The following NRG1 variants were observed in gnomAD, a reference collection of about 807,000 sequenced individuals.
The protein encoded by NRG1 is neuregulin 1.
Under a neutral mutation model 63.8 loss-of-function variants are expected in NRG1, and 18 were observed. That is an observed-to-expected ratio of 0.28 (90% CI 0.19 to 0.42). NRG1 has a LOEUF of 0.42. NRG1 is among the 10% of genes least tolerant of loss of function. NRG1 has a pLI of 1.00. For synonymous variants in NRG1, 302 were observed against 301.3 expected (o/e 1.00, Z -0.02); for missense variants, 762 against 814.7 (o/e 0.94, Z 0.79).
chr8:32,357,549 C>A (rs1806606359), intron 1 of NRG1, among the ~76,000 whole-genome samples: 1 of 152,116 alleles, frequency 6.6e-6, no homozygotes, highest in Admixed American at 6.5e-5. Context: ...TCATCATGTC[C>A]TGCTTTTACA....
At chr8:32,353,596 G>A (rs1233125741) in intron 1 of NRG1, among the ~76,000 whole-genome samples, 3 of 152,164 alleles carry the variant, frequency 2.0e-5, no homozygotes, top group Non-Finnish European at 4.4e-5. Context: ...TTAGAGAAAT[G>A]CAAATTAAAG....
intron 1 of NRG1, among the ~76,000 whole-genome samples, chr8:31,868,228 G>A (rs1178582644): frequency 3.3e-5 from 5 of 151,264 alleles, no homozygotes. Context: ...GAAATTCATG[G>A]TGGAAGATCT....
intron 1 of NRG1, among the ~76,000 whole-genome samples, chr8:32,497,714 T>A (rs904251681): frequency 1.3e-5 from 2 of 152,188 alleles, no homozygotes; most frequent in African/African-American, 4.8e-5. Flanking sequence ...GCGAGGGGAC[T>A]GTTGGAAAGG....
chr8:32,705,012 A>G (rs930662705), intron 5 of NRG1, among the ~76,000 whole-genome samples: 2 of 152,138 alleles, frequency 1.3e-5, no homozygotes, highest in Non-Finnish European at 2.9e-5. Flanking sequence ...CTATTGTTGG[A>G]TATATTTATA....
At chr8:32,679,262 T>C (rs1214072297) in intron 5 of NRG1, among the ~76,000 whole-genome samples, 1 of 152,212 alleles carries the variant, frequency 6.6e-6, no homozygotes, top group Non-Finnish European at 1.5e-5. Flanking sequence ...ATCATATTTT[T>C]TGGAATTCCA....
intron 5 of NRG1, among the ~76,000 whole-genome samples, chr8:32,665,874 T>C (rs370895200): frequency 6.6e-6 from 1 of 152,208 alleles, no homozygotes; most frequent in Non-Finnish European, 1.5e-5. Flanking sequence ...TGAAAATACT[T>C]CTAGTGATTA....
chr8:32,459,022 A>G (rs945097004), intron 1 of NRG1, among the ~76,000 whole-genome samples: 13 of 152,194 alleles, frequency 8.5e-5, no homozygotes, highest in Non-Finnish European at 1.8e-4. Flanking sequence ...TTTAAATACC[A>G]TACATATACT....
chr8:31,715,261 T>G (rs1304674265), intron 1 of NRG1, among the ~76,000 whole-genome samples: 2 of 152,056 alleles, frequency 1.3e-5, no homozygotes, highest in Non-Finnish European at 2.9e-5. Flanking sequence ...CAAGACAAAG[T>G]TTCTTTGACA....
intron 1 of NRG1, among the ~76,000 whole-genome samples, chr8:32,073,680 C>T (rs1391973691): frequency 6.6e-6 from 1 of 152,134 alleles, no homozygotes; most frequent in Non-Finnish European, 1.5e-5. Flanking sequence ...ATTTAGGCTG[C>T]ATCTATGCAC....
At chr8:32,666,160 G>T (rs557588707) in intron 5 of NRG1, among the ~76,000 whole-genome samples, 15 of 152,200 alleles carry the variant, frequency 9.9e-5, no homozygotes, top group African/African-American at 2.9e-4. Context: ...ATTTTGGCCT[G>T]GAACTTAGAT....
At chr8:31,967,108 C>T (rs867070631) in intron 1 of NRG1, among the ~76,000 whole-genome samples, 2 of 151,988 alleles carry the variant, frequency 1.3e-5, no homozygotes, top group Non-Finnish European at 2.9e-5. Context: ...TATTGAAAAA[C>T]CAGGCTGTGG....
intron 1 of NRG1, chr8:32,287,588 C>A (rs1853682266): frequency 6.6e-6 from 1 of 152,186 alleles, no homozygotes. Flanking sequence ...TTATACAAAA[C>A]CCAAGCCTGG....
intron 1 of NRG1, among the ~76,000 whole-genome samples, chr8:31,884,045 A>G (rs1830545147): frequency 6.6e-6 from 1 of 152,008 alleles, no homozygotes; most frequent in Non-Finnish European, 1.5e-5. Context: ...GATTATTACT[A>G]TTTAGATCCT....
At chr8:31,850,957 G>A (rs985670971) in intron 1 of NRG1, among the ~76,000 whole-genome samples, 1 of 152,150 alleles carries the variant, frequency 6.6e-6, no homozygotes, top group Non-Finnish European at 1.5e-5. Context: ...GTTGGACACC[G>A]CTTCCTTCAA....
At chr8:32,421,496 T>G (rs1411665402) in intron 1 of NRG1, among the ~76,000 whole-genome samples, 1 of 152,292 alleles carries the variant, frequency 6.6e-6, no homozygotes, top group Non-Finnish European at 1.5e-5. Flanking sequence ...GAGGTCATGT[T>G]AATAAAGCCC....
exon 12 of NRG1, chr8:32,765,186 C>T (rs1245960012): frequency 6.6e-6 from 1 of 151,986 alleles, no homozygotes; most frequent in Non-Finnish European, 1.5e-5. Flanking sequence ...AATCTAACAC[C>T]TTACAAGAGG....
At chr8:32,707,381 A>C (rs1372407420) in intron 5 of NRG1, among the ~76,000 whole-genome samples, 1 of 152,084 alleles carries the variant, frequency 6.6e-6, no homozygotes, top group Non-Finnish European at 1.5e-5. Context: ...TCCTGAGAGA[A>C]AGATATGAGG....
chr8:31,931,978 G>A (rs903451111), intron 1 of NRG1, among the ~76,000 whole-genome samples: 8 of 152,182 alleles, frequency 5.3e-5, no homozygotes, highest in African/African-American at 1.9e-4. Context: ...CTGAGTCAGG[G>A]AAGGCTTCAG....
intron 1 of NRG1, among the ~76,000 whole-genome samples, chr8:32,068,885 C>T (rs1375164838): frequency 6.6e-6 from 1 of 152,158 alleles, no homozygotes; most frequent in Non-Finnish European, 1.5e-5. Flanking sequence ...GAATCTAGTT[C>T]ATTACTCTGA....
Sources: gnomAD v4.1 joint callset for allele counts (sites outside exome capture counted in the v4.1 genomes callset) on GRCh38, gnomAD v4.1.1 for gene constraint, MANE v1.5 for transcripts, NCBI Gene and HGNC (gene_info 2026-07-23, HGNC 2026-07-21) for gene names.